Variants in TSPAN19 observed in about 807,000 individuals in gnomAD.
TSPAN19 encodes tetraspanin-19.
In TSPAN19, 44 loss-of-function variants were observed where a neutral mutation model predicts 35.1. The observed-to-expected ratio is 1.25, with a 90% confidence interval of 0.98 to 1.61. TSPAN19 has a LOEUF of 1.61. TSPAN19 is among the 40% of genes most tolerant of loss of function. TSPAN19 has a pLI of 0.00. For synonymous variants in TSPAN19, 79 were observed against 92.0 expected (o/e 0.86, Z 0.81); for missense variants, 290 against 280.0 (o/e 1.04, Z -0.26).
At chr12:85,018,325 A>G (rs1876927673) in intron 6 of TSPAN19, among the ~76,000 whole-genome samples, 1 of 152,032 alleles carries the variant, frequency 6.6e-6, no homozygotes, top group East Asian at 1.9e-4. Context: ...TATACCAACA[A>G]TCTACGACAA....
chr12:85,030,239 G>C (rs1775435872), intron 1 of TSPAN19, among the ~76,000 whole-genome samples: 1 of 152,060 alleles, frequency 6.6e-6, no homozygotes, highest in South Asian at 2.1e-4. Flanking sequence ...GAAGACATTT[G>C]TATAACAAGT....
At chr12:85,016,341 T>C (rs1250511905) in intron 7 of TSPAN19, 1 of 160,068 alleles carries the variant, frequency 6.2e-6, no homozygotes, top group Non-Finnish European at 1.4e-5. Context: ...ACCCTAAATA[T>C]ATTACATGTC....
intron 4 of TSPAN19, among the ~76,000 whole-genome samples, chr12:85,026,852 G>A (rs984573153): frequency 6.6e-6 from 1 of 152,136 alleles, no homozygotes; most frequent in African/African-American, 2.4e-5. Flanking sequence ...CTGGGAAAGT[G>A]AGTGTGTTTG....
chr12:85,023,838 T>C lies in TSPAN19; in HGVS notation c.265-438A>G, dbSNP rs562865656. Among the ~76,000 whole-genome samples, 89 of 152,348 alleles carry C rather than the reference T, an allele frequency of 5.8e-4. 1 individual carries two copies. The highest frequency in any genetic ancestry group is 1.8e-3 in the African/African-American group (74 of 41,580). On this transcript the variant is annotated intron_variant, in intron 4 of 8. Coordinates refer to ENST00000532498, the MANE Select transcript of TSPAN19 (RefSeq NM_001100917.2). ...AATAATAAACTTAATTCTTTACGTA[T>C]ACTTGGGCTATTTCCTGAAAACTGA...
chr12:85,018,191 G>T (rs1368381534), intron 6 of TSPAN19, among the ~76,000 whole-genome samples: 2 of 151,844 alleles, frequency 1.3e-5, no homozygotes, highest in African/African-American at 4.8e-5. Context: ...ATCAAGCAGA[G>T]TTAGGAGGAT....
At chr12:85,029,858 T>G (rs1877599962) in intron 2 of TSPAN19, 23 bp downstream of exon 2, 1 of 1,505,206 alleles carries the variant, frequency 6.6e-7, no homozygotes. Flanking sequence ...TTTTCTTTAC[T>G]GTATAATTAT....
At chr12:85,032,900 A>T (rs1877752756) in intron 1 of TSPAN19, among the ~76,000 whole-genome samples, 1 of 152,154 alleles carries the variant, frequency 6.6e-6, no homozygotes, top group Non-Finnish European at 1.5e-5. Flanking sequence ...TCAACAGCAG[A>T]GATGCTATAG....
intron 1 of TSPAN19, among the ~76,000 whole-genome samples, chr12:85,034,548 A>T (rs1343139149): frequency 6.6e-6 from 1 of 152,184 alleles, no homozygotes; most frequent in African/African-American, 2.4e-5. Flanking sequence ...TAACATGTTC[A>T]AAAGAAACAA....
At chr12:85,016,791 A>C (rs1876831562) in intron 7 of TSPAN19, 1 of 151,896 alleles carries the variant, frequency 6.6e-6, no homozygotes, top group Non-Finnish European at 1.5e-5. Flanking sequence ...TACTGTATAT[A>C]TCACCACATA....
chr12:85,023,337 T>C lies in TSPAN19; in HGVS notation c.328A>G (p.Lys110Glu), dbSNP rs1592662546. 1 of 1,583,184 alleles carries C rather than the reference T, an allele frequency of 6.3e-7. No homozygotes were observed. Among genetic ancestry groups the C allele is most frequent in the East Asian group, 2.3e-5 (1 of 43,910 alleles). ...TTTACTTTCCATACCTCCTCTTTCT[T>C]TGTGATGATGAATGCTGAAAGTACA... ...QVVLSAFIIT[K>E]KEEVQQLWHD... The change falls in exon 5 of 9, where the codon AAG becomes GAG. Residue 110 changes from lysine (K) to glutamate (E), a missense_variant. Lys to Glu is a moderately conservative substitution (Grantham distance 56). Transcript: ENST00000532498.
At chr12:85,025,009 A>C (rs1032225496) in intron 4 of TSPAN19, among the ~76,000 whole-genome samples, 3 of 152,152 alleles carry the variant, frequency 2.0e-5, no homozygotes, top group Non-Finnish European at 4.4e-5. Context: ...TCAGAGAAAA[A>C]AAAATTCAGA....
intron 7 of TSPAN19, 140 bp from the exon 8 acceptor site, chr12:85,016,111 G>A (rs560142231): frequency 4.9e-5 from 25 of 511,850 alleles, no homozygotes; most frequent in South Asian, 3.6e-4. Context: ...TGGCGAACTG[G>A]ACTTTTAGTC....
At chr12:85,033,458 A>G (rs926307369) in intron 1 of TSPAN19, among the ~76,000 whole-genome samples, 1 of 142,944 alleles carries the variant, frequency 7.0e-6, no homozygotes, top group Non-Finnish European at 1.6e-5. Context: ...TGGCTGTGGG[A>G]ATGGAAACAG....
chr12:85,017,924 A>G (rs900407001), intron 6 of TSPAN19, among the ~76,000 whole-genome samples: 4 of 151,960 alleles, frequency 2.6e-5, no homozygotes, highest in African/African-American at 9.6e-5. Flanking sequence ...ATATAAAACA[A>G]TCACTGGAGC....
chr12:85,023,293 C>A, intron 5 of TSPAN19, 33 bp downstream of exon 5: 1 of 1,519,654 alleles, frequency 6.6e-7, no homozygotes, highest in South Asian at 1.2e-5. Flanking sequence ...CTTCAAATAA[C>A]AGGATGTATT....
At chr12:85,032,799 A>G (rs1877750688) in intron 1 of TSPAN19, among the ~76,000 whole-genome samples, 1 of 152,172 alleles carries the variant, frequency 6.6e-6, no homozygotes, top group South Asian at 2.1e-4. Flanking sequence ...TTTTGCTATA[A>G]ACAAAGAATT....
At chr12:85,014,795 G>A in intron 8 of TSPAN19, 1 of 317,314 alleles carries the variant, frequency 3.2e-6, no homozygotes, top group Non-Finnish European at 5.7e-6. Flanking sequence ...AAAACCTTTA[G>A]GTTTTAATTA....
chr12:85,021,652 T>A (rs1877133748), intron 5 of TSPAN19, among the ~76,000 whole-genome samples: 1 of 152,132 alleles, frequency 6.6e-6, no homozygotes, highest in Non-Finnish European at 1.5e-5. Flanking sequence ...TAAGCATCTA[T>A]GAAAGGCCTA....
At chr12:85,034,902 T>A (rs1877875518) in intron 1 of TSPAN19, among the ~76,000 whole-genome samples, 1 of 152,212 alleles carries the variant, frequency 6.6e-6, no homozygotes, top group Admixed American at 6.5e-5. Flanking sequence ...TTTGACAAAG[T>A]AAGCTTTGAG....
Sources: gnomAD v4.1 joint callset for allele counts (sites outside exome capture counted in the v4.1 genomes callset) on GRCh38, gnomAD v4.1.1 for gene constraint, MANE v1.5 for transcripts, NCBI Gene and HGNC (gene_info 2026-07-23, HGNC 2026-07-21) for gene names.